The following THSD7B variants were observed in gnomAD, a reference collection of about 807,000 sequenced individuals.
THSD7B encodes thrombospondin type-1 domain-containing protein 7B.
Under a neutral mutation model 213.6 loss-of-function variants are expected in THSD7B, and 138 were observed. The ratio of observed to expected loss-of-function variants is 0.65; its 90% confidence interval spans 0.56 to 0.74. The LOEUF is 0.74. Among genes scored for constraint, THSD7B ranks in the 30% least tolerant of loss-of-function variants. THSD7B has a pLI of 0.00. For missense variants in THSD7B, 1,931 were observed against 1,991.5 expected (o/e 0.97, Z 0.58); for synonymous variants, 742 against 687.0 (o/e 1.08, Z -1.25).
intron 5 of THSD7B, among the ~76,000 whole-genome samples, chr2:137,128,050 ATTTTC>A (rs374295172): frequency 2.6e-4 from 39 of 152,220 alleles, no homozygotes; most frequent in African/African-American, 8.9e-4. Flanking sequence ...TAAATGTAAT[ATTTTC>A]TTTTCTTATT....
chr2:137,394,846 G>A (rs1475107067), intron 12 of THSD7B, among the ~76,000 whole-genome samples: 2 of 141,990 alleles, frequency 1.4e-5, no homozygotes, highest in Non-Finnish European at 3.1e-5. Context: ...GTTGAGCAGT[G>A]GTTTGTAGTT....
chr2:137,196,793 C>T (rs943979499), intron 7 of THSD7B, among the ~76,000 whole-genome samples: 1 of 151,980 alleles, frequency 6.6e-6, no homozygotes, highest in Middle Eastern at 3.2e-3. Flanking sequence ...GATTCTGTCA[C>T]GAAGATATCT....
intron 1 of THSD7B, among the ~76,000 whole-genome samples, chr2:136,798,256 A>G (rs1304578793): frequency 1.4e-5 from 2 of 146,914 alleles, no homozygotes; most frequent in Non-Finnish European, 3.1e-5. Flanking sequence ...CCTATTTTAT[A>G]CATTAGGATA....
At chr2:137,644,183 A>G (rs1490832494) in intron 21 of THSD7B, among the ~76,000 whole-genome samples, 4 of 152,050 alleles carry the variant, frequency 2.6e-5, no homozygotes, top group Admixed American at 1.3e-4. Flanking sequence ...GCTTCCAGAA[A>G]CTTCAGAGTT....
chr2:137,258,341 T>C (rs1682356931), intron 10 of THSD7B, among the ~76,000 whole-genome samples: 1 of 152,198 alleles, frequency 6.6e-6, no homozygotes, highest in Admixed American at 6.5e-5. Flanking sequence ...AGAAATCCAA[T>C]TCTGTGTGTG....
chr2:137,219,150 A>G (rs1385529867), intron 7 of THSD7B, among the ~76,000 whole-genome samples: 1 of 152,110 alleles, frequency 6.6e-6, no homozygotes, highest in Non-Finnish European at 1.5e-5. Context: ...AATATAGGAC[A>G]AAACTAGTCA....
chr2:137,128,030 A>T (rs529399426), intron 5 of THSD7B, among the ~76,000 whole-genome samples: 1 of 152,304 alleles, frequency 6.6e-6, no homozygotes, highest in South Asian at 2.1e-4. Context: ...CATTCTGAAG[A>T]AAATCTATGT....
At chr2:136,964,559 C>A (rs1000158552) in intron 2 of THSD7B, among the ~76,000 whole-genome samples, 8 of 152,004 alleles carry the variant, frequency 5.3e-5, no homozygotes, top group Admixed American at 3.9e-4. Flanking sequence ...TCTTTTTTTG[C>A]GTTATCAACA....
chr2:137,138,193 T>G (rs892875), intron 5 of THSD7B, among the ~76,000 whole-genome samples: 3,270 of 152,272 alleles, frequency 0.021, 135 homozygotes, highest in African/African-American at 0.074. Flanking sequence ...TGGAATAGTT[T>G]TGGAATATGA....
chr2:137,301,083 G>T (rs1683589555), intron 12 of THSD7B, among the ~76,000 whole-genome samples: 1 of 152,030 alleles, frequency 6.6e-6, no homozygotes, highest in South Asian at 2.1e-4. Flanking sequence ...AATCCATAAA[G>T]CAATATAAAA....
Position 137,207,029 on chromosome 2 carries a change from G to GA in THSD7B, c.1724-24015_1724-24014insA, listed in dbSNP as rs1681000574. Among the ~76,000 whole-genome samples, 3 of 152,114 alleles carry GA rather than the reference G, an allele frequency of 2.0e-5. No homozygotes were observed. The South Asian group carries it at 6.2e-4, about 32-fold the overall frequency. Reference sequence around the variant, plus strand: ...GTTTTTCCAAAAAGGAAAGTTCAGAGGGGAGAGAGGATGTTGATGTTAGGA... The same window carrying GA: ...GTTTTTCCAAAAAGGAAAGTTCAGAGAGGGAGAGAGGATGTTGATGTTAGGA... On this transcript the variant is annotated intron_variant, in intron 7 of 27. Transcript: ENST00000409968.
chr2:136,911,586 A>G (rs560362970), intron 2 of THSD7B, among the ~76,000 whole-genome samples: 3 of 152,342 alleles, frequency 2.0e-5, no homozygotes, highest in Non-Finnish European at 4.4e-5. Flanking sequence ...TAAAAAATGG[A>G]AACAGTTGTT....
intron 12 of THSD7B, among the ~76,000 whole-genome samples, chr2:137,381,737 C>T (rs1685780313): frequency 6.6e-6 from 1 of 152,174 alleles, no homozygotes; most frequent in Non-Finnish European, 1.5e-5. Flanking sequence ...GTACTCTTAA[C>T]TTTGTGGAGA....
chr2:137,525,321 T>C (rs1219216410), intron 15 of THSD7B, among the ~76,000 whole-genome samples: 1 of 152,182 alleles, frequency 6.6e-6, no homozygotes. Context: ...CAAGGGAGAA[T>C]CACTGCCCCA....
At chr2:137,205,740 T>G (rs1322952347) in intron 7 of THSD7B, among the ~76,000 whole-genome samples, 2 of 152,054 alleles carry the variant, frequency 1.3e-5, no homozygotes, top group Non-Finnish European at 2.9e-5. Context: ...AGAGCTCTAC[T>G]TTTGAATTTA....
chr2:137,141,826 T>G (rs1055279845), intron 5 of THSD7B, among the ~76,000 whole-genome samples: 1 of 152,094 alleles, frequency 6.6e-6, no homozygotes, highest in Non-Finnish European at 1.5e-5. Context: ...GCCCCACACC[T>G]GGTACTCACT....
intron 15 of THSD7B, among the ~76,000 whole-genome samples, chr2:137,501,436 A>T (rs1032866494): frequency 6.6e-5 from 10 of 152,138 alleles, no homozygotes; most frequent in Non-Finnish European, 7.4e-5. Flanking sequence ...TTTTTGAAAA[A>T]AAAAATTTGG....
chr2:137,027,740 G>A (rs534882447), intron 2 of THSD7B, among the ~76,000 whole-genome samples: 1 of 152,026 alleles, frequency 6.6e-6, no homozygotes, highest in Non-Finnish European at 1.5e-5. Flanking sequence ...ATATTCTCAG[G>A]GCACAGAACA....
intron 15 of THSD7B, among the ~76,000 whole-genome samples, chr2:137,451,698 G>T (rs1687655784): frequency 6.6e-6 from 1 of 152,022 alleles, no homozygotes; most frequent in African/African-American, 2.4e-5. Flanking sequence ...CAGAGTCTAA[G>T]ATTTCATTAA....
Sources: allele counts gnomAD v4.1 joint callset (sites outside exome capture counted in the v4.1 genomes callset), GRCh38; gene constraint gnomAD v4.1.1; transcripts MANE v1.5; gene names NCBI Gene and HGNC (gene_info 2026-07-23, HGNC 2026-07-21).